ZNF804A: variants seen among roughly 807,000 people sequenced by gnomAD.
ZNF804A encodes the protein zinc finger protein 804A.
Under a neutral mutation model 16.5 loss-of-function variants are expected in ZNF804A, and 2 were observed. The ratio of observed to expected loss-of-function variants is 0.12; its 90% CI spans 0.05 to 0.38. The LOEUF is 0.38. Ranked by LOEUF, ZNF804A falls within the 10% of genes least tolerant of loss-of-function variation. ZNF804A has a pLI of 0.99. For missense variants in ZNF804A, 1,473 were observed against 1,390.7 expected (o/e 1.06, Z -0.94); for synonymous variants, 534 against 489.6 (o/e 1.09, Z -1.20).
intron 1 of ZNF804A, among the ~76,000 whole-genome samples, chr2:184,708,028 C>G (rs892872490): frequency 6.6e-6 from 1 of 152,040 alleles, no homozygotes; most frequent in Non-Finnish European, 1.5e-5. Context: ...TTGCATTTCT[C>G]TAATAATTAG....
chr2:184,793,587 A>G (rs1013373651), intron 1 of ZNF804A, among the ~76,000 whole-genome samples: 2 of 151,938 alleles, frequency 1.3e-5, no homozygotes, highest in South Asian at 2.1e-4. Flanking sequence ...TTTTATTTCC[A>G]TAGATTATTG....
chr2:184,608,188 G>A (rs1007193252), intron 1 of ZNF804A, among the ~76,000 whole-genome samples: 1 of 151,634 alleles, frequency 6.6e-6, no homozygotes, highest in Admixed American at 6.6e-5. Context: ...CTCGTGATCC[G>A]CCCGCCTCGG....
At chr2:184,731,859 A>G (rs1693526696) in intron 1 of ZNF804A, among the ~76,000 whole-genome samples, 1 of 152,152 alleles carries the variant, frequency 6.6e-6, no homozygotes, top group Non-Finnish European at 1.5e-5. Flanking sequence ...TACAGATGTG[A>G]ATCAAAACAC....
chr2:184,673,470 T>A (rs921038165), intron 1 of ZNF804A, among the ~76,000 whole-genome samples: 3 of 152,238 alleles, frequency 2.0e-5, no homozygotes, highest in Non-Finnish European at 4.4e-5. Context: ...TTGATGAAGC[T>A]TATTTAGAAT....
At chr2:184,848,419 T>A (rs1353691097) in intron 1 of ZNF804A, among the ~76,000 whole-genome samples, 2 of 152,080 alleles carry the variant, frequency 1.3e-5, no homozygotes, top group Non-Finnish European at 2.9e-5. Context: ...TATCACTGTT[T>A]CTTCCTGAAT....
intron 1 of ZNF804A, among the ~76,000 whole-genome samples, chr2:184,809,826 A>G (rs1026917444): frequency 6.6e-6 from 1 of 152,058 alleles, no homozygotes; most frequent in African/African-American, 2.4e-5. Flanking sequence ...GACTCCCCAG[A>G]TACTCTCTCG....
chr2:184,820,933 G>C (rs1391447894), intron 1 of ZNF804A, among the ~76,000 whole-genome samples: 3 of 151,790 alleles, frequency 2.0e-5, no homozygotes, highest in African/African-American at 7.3e-5. Context: ...AAACAAACAG[G>C]AAGACATTCG....
intron 1 of ZNF804A, among the ~76,000 whole-genome samples, chr2:184,858,573 C>A (rs955573700): frequency 6.6e-6 from 1 of 151,054 alleles, no homozygotes; most frequent in African/African-American, 2.4e-5. Context: ...TTTCATTCCA[C>A]TCCATCTTGA....
intron 1 of ZNF804A, among the ~76,000 whole-genome samples, chr2:184,762,164 G>T (rs1694045225): frequency 6.9e-6 from 1 of 145,674 alleles, no homozygotes; most frequent in Non-Finnish European, 1.5e-5. Flanking sequence ...TGATTTCTCT[G>T]TTTTGGATAG....
chr2:184,760,285 A>G (rs1389669879), intron 1 of ZNF804A, among the ~76,000 whole-genome samples: 1 of 152,162 alleles, frequency 6.6e-6, no homozygotes, highest in Non-Finnish European at 1.5e-5. Flanking sequence ...TTTTAAATAA[A>G]CTGATAACTT....
At chr2:184,709,442 A>T (rs1321154831) in intron 1 of ZNF804A, among the ~76,000 whole-genome samples, 1 of 151,978 alleles carries the variant, frequency 6.6e-6, no homozygotes, top group Admixed American at 6.6e-5. Flanking sequence ...TTTCTCTGAA[A>T]TTTTTTTCCT....
intron 1 of ZNF804A, among the ~76,000 whole-genome samples, chr2:184,731,687 A>G (rs1251204435): frequency 1.3e-5 from 2 of 148,690 alleles, no homozygotes; most frequent in African/African-American, 5.0e-5. Context: ...CTCCCACCTC[A>G]GCTTCCTGAG....
intron 1 of ZNF804A, among the ~76,000 whole-genome samples, chr2:184,753,709 G>A (rs538242134): frequency 6.6e-6 from 1 of 151,848 alleles, no homozygotes; most frequent in East Asian, 1.9e-4. Context: ...ATCCAATTTA[G>A]TAATCTCCAA....
chr2:184,885,091 T>C (rs1039135506), intron 2 of ZNF804A, among the ~76,000 whole-genome samples: 2 of 151,016 alleles, frequency 1.3e-5, no homozygotes, highest in Non-Finnish European at 3.0e-5. Context: ...ACCAAGCATA[T>C]AAAAAATGAA....
chr2:184,687,201 T>C (rs1303693648), intron 1 of ZNF804A, among the ~76,000 whole-genome samples: 1 of 152,204 alleles, frequency 6.6e-6, no homozygotes, highest in Admixed American at 6.5e-5. Flanking sequence ...TTTTTGCATA[T>C]GGTGAAAGGT....
intron 1 of ZNF804A, among the ~76,000 whole-genome samples, chr2:184,850,619 A>C (rs1237108370): frequency 6.6e-6 from 1 of 151,542 alleles, no homozygotes; most frequent in East Asian, 1.9e-4. Flanking sequence ...TTCTCTCTTA[A>C]GAACTTATAA....
intron 1 of ZNF804A, among the ~76,000 whole-genome samples, chr2:184,792,915 G>T (rs1455136971): frequency 6.6e-6 from 1 of 151,884 alleles, no homozygotes; most frequent in African/African-American, 2.4e-5. Flanking sequence ...TTTTAACCCA[G>T]CCCTCCCTCC....
intron 1 of ZNF804A, among the ~76,000 whole-genome samples, chr2:184,618,622 C>T (rs772070936): frequency 7.9e-5 from 12 of 151,976 alleles, no homozygotes; most frequent in Admixed American, 3.9e-4. Context: ...CCCTGTAAAC[C>T]TAGGGACGAC....
chr2:184,828,195 C>T (rs80082174), intron 1 of ZNF804A, among the ~76,000 whole-genome samples: 10,252 of 151,604 alleles, frequency 0.068, 1,168 homozygotes, highest in African/African-American at 0.23. Context: ...GTTCCCTTTT[C>T]AAAAAGGAAA....
Sources: gnomAD v4.1 joint callset for allele counts (sites outside exome capture counted in the v4.1 genomes callset) on GRCh38, gnomAD v4.1.1 for gene constraint, MANE v1.5 for transcripts, NCBI Gene and HGNC (gene_info 2026-07-23, HGNC 2026-07-21) for gene names.